XRN1: variants seen among roughly 807,000 people sequenced by gnomAD.
XRN1 encodes the protein 5'-3' exoribonuclease 1.
XRN1 carries 67 observed loss-of-function variants against 222.3 expected under a neutral mutation model. That is an observed-to-expected ratio of 0.30 (90% CI 0.25 to 0.37). The LOEUF (loss-of-function observed/expected upper bound fraction) is 0.37. Among genes scored for constraint, XRN1 ranks in the 10% least tolerant of loss-of-function variants. The pLI is 1.00. For synonymous variants in XRN1, 643 were observed against 652.4 expected, an observed-to-expected ratio of 0.99 and a Z score of 0.22; for missense variants, 1,707 against 2,000.2, an observed-to-expected ratio of 0.85 and a Z score of 2.80.
chr3:142,351,988 C>CAT (rs2066321662), intron 32 of XRN1, among the ~76,000 whole-genome samples: 1 of 151,588 alleles, frequency 6.6e-6, no homozygotes, highest in Non-Finnish European at 1.5e-5. Context: ...ATTCCTCAGG[C>CAT]ATATAATCTA....
At chr3:142,386,632 A>G (rs1001245513) in intron 20 of XRN1, among the ~76,000 whole-genome samples, 2 of 152,166 alleles carry the variant, frequency 1.3e-5, no homozygotes, top group Non-Finnish European at 2.9e-5. Flanking sequence ...AGAAAACTAT[A>G]AAGTAATGAG....
chr3:142,365,704 C>G (rs1177210489), intron 27 of XRN1, among the ~76,000 whole-genome samples: 1 of 152,074 alleles, frequency 6.6e-6, no homozygotes, highest in Admixed American at 6.5e-5. Context: ...TTGCTAAGCA[C>G]AACACAAGAA....
intron 32 of XRN1, among the ~76,000 whole-genome samples, chr3:142,350,715 A>G (rs2066280394): frequency 6.6e-6 from 1 of 152,150 alleles, no homozygotes; most frequent in Non-Finnish European, 1.5e-5. Flanking sequence ...GACATATTTG[A>G]AAGAGATTTA....
In XRN1 at chr3:142,375,939, T is replaced by C. The variant is rs1188752824; in HGVS notation, c.2837A>G (p.His946Arg). 1 of 1,612,560 alleles carries C rather than the reference T, an allele frequency of 6.2e-7. No individual in the cohort carries two copies. The highest frequency in any genetic ancestry group is 8.5e-7 in the Non-Finnish European group (1 of 1,179,462). Residue 946 changes from histidine (H) to arginine (R), a missense_variant, in exon 25 of 41, where the codon CAT becomes CGT. Physicochemically the swap from His to Arg is conservative, Grantham distance 29 (BLOSUM62 0). Around this residue, in one of 2 missense-constraint regions of XRN1, gnomAD observed 1,234 missense variants for 1,518.2 expected, o/e 0.81. Transcript: ENST00000392981. The part of the protein sequence containing the change: ...FIGRGSRRNP[H>R]GDHKANVGLN... The stretch of plus-strand genomic sequence containing the variant: ...ACCCACATTTGCTTTATGGTCTCCA[T>C]GAGGGCTGAATTTAAACCACACATG...
chr3:142,355,574 T>C lies in XRN1; in HGVS notation c.3673-78A>G, dbSNP rs1027538058. On this transcript the variant is annotated intron_variant, in intron 31 of 40. Transcript: ENST00000392981. Reference sequence around the variant, plus strand: ...TACATATTAAAAATCAAATAATTCATCTATTAATGTTATTCAGTGGTAGAC... The same window carrying C: ...TACATATTAAAAATCAAATAATTCACCTATTAATGTTATTCAGTGGTAGAC... The C allele has an allele frequency of 2.3e-5, 22 of 974,860 alleles. No individual in the cohort carries two copies. The East Asian group carries it at 3.4e-4, about 15-fold the overall frequency. 60.4% of individuals were successfully genotyped at this position (974,860 alleles called of 1,614,324 possible). A position where few individuals can be genotyped will look rare whatever the true frequency, so the allele number is the denominator to read the frequency against.
At chr3:142,393,232 G>A (rs2067802393) in intron 20 of XRN1, among the ~76,000 whole-genome samples, 1 of 147,590 alleles carries the variant, frequency 6.8e-6, no homozygotes, top group East Asian at 2.0e-4. Flanking sequence ...TTAGCCCTTT[G>A]TCAGATGAGT....
intron 18 of XRN1, among the ~76,000 whole-genome samples, chr3:142,402,307 C>T (rs1300560940): frequency 1.3e-5 from 2 of 151,968 alleles, no homozygotes; most frequent in East Asian, 1.9e-4. Context: ...CTCAGCCTCC[C>T]GAGTAGCTGG....
At chr3:142,441,905 T>C (rs1025667538) in intron 1 of XRN1, among the ~76,000 whole-genome samples, 2 of 152,218 alleles carry the variant, frequency 1.3e-5, no homozygotes, top group African/African-American at 4.8e-5. Flanking sequence ...TGAATTCGCA[T>C]ACAATTCGTA....
At chr3:142,371,466 T>C in intron 25 of XRN1, 138 bp from the exon 26 acceptor site, 1 of 659,924 alleles carries the variant, frequency 1.5e-6, no homozygotes, top group Non-Finnish European at 2.5e-6. Flanking sequence ...GGGATATTAT[T>C]AAAAGTGATA....
chr3:142,367,376 G>T (rs2066849443), intron 27 of XRN1, among the ~76,000 whole-genome samples: 2 of 94,736 alleles, frequency 2.1e-5, no homozygotes, highest in African/African-American at 1.3e-4. Context: ...AGATTCTCCG[G>T]TGATTTGTTT....
At chr3:142,357,801 C>T (rs1308981552) in intron 30 of XRN1, among the ~76,000 whole-genome samples, 2 of 152,026 alleles carry the variant, frequency 1.3e-5, no homozygotes, top group African/African-American at 2.4e-5. Flanking sequence ...CTTGGGAGGC[C>T]GAGGCAGGTC....
In XRN1 at chr3:142,432,799, T is replaced by C; in HGVS notation, c.170A>G (p.Asp57Gly). 3.7e-6 allele frequency: 6 copies of C among 1,614,064 alleles called. No individual in the cohort carries two copies. The highest frequency in any genetic ancestry group is 5.1e-6 in the Non-Finnish European group (6 of 1,180,014). ...AAAAATATCAGTAAAGATTTTATCATCTGAAATTCTAAAGTGAACATCATC... is the reference window on the plus strand; with the variant it reads ...AAAAATATCAGTAAAGATTTTATCACCTGAAATTCTAAAGTGAACATCATC... ...NDDDVHFRIS[D>G]DKIFTDIFHY... Residue 57 changes from aspartate (D) to glycine (G), a missense_variant, in exon 2 of 41, where the codon GAT becomes GGT. By Grantham distance (94) the Asp-to-Gly change is moderately conservative. Transcript: ENST00000392981.
intron 37 of XRN1, among the ~76,000 whole-genome samples, chr3:142,319,735 C>T (rs1315764688): frequency 6.6e-6 from 1 of 151,998 alleles, no homozygotes; most frequent in Non-Finnish European, 1.5e-5. Context: ...TGTTTAGTTC[C>T]CATTTATAAA....
intron 37 of XRN1, among the ~76,000 whole-genome samples, chr3:142,323,152 G>A (rs577093351): frequency 3.5e-4 from 53 of 152,178 alleles, no homozygotes; most frequent in Non-Finnish European, 6.0e-4. Flanking sequence ...GCTCTTTTTC[G>A]CATTACTTTT....
At chr3:142,363,644 A>C (rs2066724172) in intron 29 of XRN1, among the ~76,000 whole-genome samples, 1 of 151,804 alleles carries the variant, frequency 6.6e-6, no homozygotes, top group Admixed American at 6.6e-5. Flanking sequence ...TAGCTTTGTA[A>C]AGTTTACTCT....
At chr3:142,326,136 G>A (rs1238643288) in intron 37 of XRN1, among the ~76,000 whole-genome samples, 6 of 151,502 alleles carry the variant, frequency 4.0e-5, no homozygotes, top group African/African-American at 9.7e-5. Context: ...GATCGTGTGC[G>A]GTTCAAGATA....
At chr3:142,343,372 T>G (rs2066051729) in intron 33 of XRN1, among the ~76,000 whole-genome samples, 1 of 151,784 alleles carries the variant, frequency 6.6e-6, no homozygotes. Flanking sequence ...GAGAATCGCT[T>G]GAACCAGTGA....
At chr3:142,362,580 C>A (rs1327008479) in intron 29 of XRN1, among the ~76,000 whole-genome samples, 5 of 135,408 alleles carry the variant, frequency 3.7e-5, no homozygotes, top group Admixed American at 3.0e-4. Flanking sequence ...TTTTCTTCGT[C>A]CCCCCTACCC....
intron 25 of XRN1, among the ~76,000 whole-genome samples, chr3:142,375,040 C>T (rs966206440): frequency 1.5e-4 from 23 of 152,116 alleles, no homozygotes; most frequent in Non-Finnish European, 1.5e-5. Flanking sequence ...ACATATAAGG[C>T]TATGAGAAGA....
Sources: gnomAD v4.1 joint callset for allele counts (sites outside exome capture counted in the v4.1 genomes callset) on GRCh38, gnomAD v4.1.1 for gene constraint, gnomAD v4.1.1 regional missense constraint, MANE v1.5 for transcripts, NCBI Gene and HGNC (gene_info 2026-07-23, HGNC 2026-07-21) for gene names.